The following GPC5 variants were observed in gnomAD, a reference collection of about 807,000 sequenced individuals.
GPC5 encodes the protein glypican 5, also known as glypican-5.
A neutral mutation model predicts 53.9 loss-of-function variants in GPC5; 47 were observed. The ratio of observed to expected loss-of-function variants is 0.87; its 90% CI spans 0.69 to 1.11. The LOEUF is 1.11. Among genes scored for constraint, GPC5 ranks in the 50% most tolerant of loss-of-function variants. GPC5 has a pLI of 0.00. For missense variants in GPC5, 748 were observed against 713.1 expected, an observed-to-expected ratio of 1.05 and a Z score of -0.56; for synonymous variants, 286 against 263.3, an observed-to-expected ratio of 1.09 and a Z score of -0.84.
intron 6 of GPC5, among the ~76,000 whole-genome samples, chr13:92,031,413 T>C (rs1250253977): frequency 6.6e-6 from 1 of 151,922 alleles, no homozygotes; most frequent in African/African-American, 2.4e-5. Flanking sequence ...GTGGGATTGC[T>C]GAATCAAATG....
intron 5 of GPC5, among the ~76,000 whole-genome samples, chr13:91,838,356 C>T (rs1594607984): frequency 6.6e-6 from 1 of 151,946 alleles, no homozygotes; most frequent in East Asian, 1.9e-4. Context: ...GCTCTTGTAC[C>T]CATGGTGCCA....
At chr13:92,364,289 T>A (rs1017409884) in intron 7 of GPC5, among the ~76,000 whole-genome samples, 1 of 151,798 alleles carries the variant, frequency 6.6e-6, no homozygotes, top group Non-Finnish European at 1.5e-5. Context: ...AAATACACAA[T>A]GGCAATTGAA....
intron 2 of GPC5, among the ~76,000 whole-genome samples, chr13:91,613,754 A>G (rs2033623083): frequency 6.6e-6 from 1 of 152,198 alleles, no homozygotes; most frequent in African/African-American, 2.4e-5. Flanking sequence ...TTTTGGATTT[A>G]AGGAATTGCG....
rs144345876 is a variant in GPC5 at position 92,214,146 on chromosome 13, G to A, written c.1561+69157G>A. On this transcript the variant is annotated intron_variant, in intron 7 of 7. Transcript: ENST00000377067. Reference sequence around the variant, plus strand: ...GTCTTCCCAGCTGTTTTCTATCATAGCAATACCCTCTGTCCTTCACGTGAA... The same window carrying A: ...GTCTTCCCAGCTGTTTTCTATCATAACAATACCCTCTGTCCTTCACGTGAA... 3.3e-3 allele frequency among the ~76,000 whole-genome samples: 495 copies of A among 152,206 alleles called. 1 individual carries two copies. The highest frequency in any genetic ancestry group is 0.011 in the African/African-American group (468 of 41,526).
intron 5 of GPC5, among the ~76,000 whole-genome samples, chr13:91,812,695 C>CT (rs1220121247): frequency 2.6e-5 from 4 of 152,118 alleles, no homozygotes; most frequent in African/African-American, 7.2e-5. Flanking sequence ...TTATTCTGTA[C>CT]TTATTTCACT....
chr13:91,637,077 A>G (rs2035556702), intron 2 of GPC5, among the ~76,000 whole-genome samples: 1 of 152,160 alleles, frequency 6.6e-6, no homozygotes, highest in South Asian at 2.1e-4. Context: ...AAGAAGTTTG[A>G]CCTTTTACTA....
intron 7 of GPC5, among the ~76,000 whole-genome samples, chr13:92,398,478 C>T (rs1034655654): frequency 7.1e-6 from 1 of 140,328 alleles, no homozygotes; most frequent in African/African-American, 2.7e-5. Context: ...TTTAAAACAA[C>T]AATAACACAA....
At chr13:91,740,861 A>G (rs2036918998) in intron 4 of GPC5, among the ~76,000 whole-genome samples, 1 of 152,224 alleles carries the variant, frequency 6.6e-6, no homozygotes, top group Admixed American at 6.5e-5. Flanking sequence ...ATAAGCTATT[A>G]GCAAGCTTAA....
At chr13:92,101,214 T>G (rs2041464317) in intron 6 of GPC5, among the ~76,000 whole-genome samples, 1 of 152,220 alleles carries the variant, frequency 6.6e-6, no homozygotes, top group Non-Finnish European at 1.5e-5. Flanking sequence ...ATTTTTCTTT[T>G]TTTTTCCATG....
intron 7 of GPC5, among the ~76,000 whole-genome samples, chr13:92,238,237 C>A (rs939584080): frequency 6.6e-6 from 1 of 151,740 alleles, no homozygotes; most frequent in South Asian, 2.1e-4. Flanking sequence ...AGAGGTTTAA[C>A]CTTTTGAGAG....
chr13:92,852,931 G>A (rs1267238490), intron 7 of GPC5, among the ~76,000 whole-genome samples: 2 of 152,128 alleles, frequency 1.3e-5, no homozygotes, highest in African/African-American at 2.4e-5. Context: ...CCTTATCCTG[G>A]CTGACAAACA....
At chr13:92,790,071 C>T (rs1355646942) in intron 7 of GPC5, among the ~76,000 whole-genome samples, 1 of 152,136 alleles carries the variant, frequency 6.6e-6, no homozygotes, top group Non-Finnish European at 1.5e-5. Context: ...AAGTCAAGTT[C>T]TCCCAAGTTC....
At chr13:92,717,848 T>G (rs895485571) in intron 7 of GPC5, among the ~76,000 whole-genome samples, 3 of 152,134 alleles carry the variant, frequency 2.0e-5, no homozygotes, top group African/African-American at 7.2e-5. Flanking sequence ...AAAAAATATT[T>G]GCCAACTATC....
intron 7 of GPC5, among the ~76,000 whole-genome samples, chr13:92,305,783 C>T (rs985038557): frequency 2.0e-5 from 3 of 152,122 alleles, no homozygotes; most frequent in Admixed American, 6.6e-5. Flanking sequence ...TGATCCCAAG[C>T]CTTTAGACTA....
chr13:92,530,421 G>A (rs970476470), intron 7 of GPC5, among the ~76,000 whole-genome samples: 1 of 130,268 alleles, frequency 7.7e-6, no homozygotes, highest in Non-Finnish European at 1.8e-5. Flanking sequence ...TGTCAGTGCA[G>A]CCAGTGGAGG....
At chr13:92,147,948 CAT>C (rs1593931130) in intron 7 of GPC5, among the ~76,000 whole-genome samples, 1 of 152,030 alleles carries the variant, frequency 6.6e-6, no homozygotes, top group East Asian at 1.9e-4. Flanking sequence ...CAAGTTAAGG[CAT>C]AGTTTTAGAT....
intron 2 of GPC5, among the ~76,000 whole-genome samples, chr13:91,595,554 C>T (rs2032963654): frequency 6.6e-6 from 1 of 152,086 alleles, no homozygotes; most frequent in South Asian, 2.1e-4. Context: ...ATTTCTCTTT[C>T]CTCTTGTGTT....
At chr13:92,410,629 G>A (rs1433361381) in intron 7 of GPC5, among the ~76,000 whole-genome samples, 4 of 152,142 alleles carry the variant, frequency 2.6e-5, no homozygotes, top group Non-Finnish European at 5.9e-5. Context: ...ACAAAAAGAC[G>A]ATGATTGAGA....
chr13:92,197,889 C>A (rs2042268674), intron 7 of GPC5, among the ~76,000 whole-genome samples: 1 of 152,008 alleles, frequency 6.6e-6, no homozygotes, highest in Non-Finnish European at 1.5e-5. Flanking sequence ...CCTACTTCCA[C>A]CTCTACCACT....
Sources: gnomAD v4.1 joint callset for allele counts (sites outside exome capture counted in the v4.1 genomes callset) on GRCh38, gnomAD v4.1.1 for gene constraint, MANE v1.5 for transcripts, NCBI Gene and HGNC (gene_info 2026-07-23, HGNC 2026-07-21) for gene names.